Variants in PIGS observed in about 807,000 individuals in gnomAD.
The protein encoded by PIGS is GPI-anchor transamidase component PIGS.
PIGS carries 37 observed loss-of-function variants against 58.2 expected under a neutral mutation model. The observed-to-expected ratio is 0.64, with a 90% CI of 0.49 to 0.84. PIGS has a LOEUF of 0.84. Among genes scored for constraint, PIGS ranks in the 40% least tolerant of loss-of-function variants. The pLI is 0.00. For synonymous variants in PIGS, 269 were observed against 289.2 expected (o/e 0.93, Z 0.71); for missense variants, 629 against 710.8 (o/e 0.88, Z 1.31).
At chr17:28,562,902 T>C (rs1480369642) in intron 5 of PIGS, among the ~76,000 whole-genome samples, 1 of 152,100 alleles carries the variant, frequency 6.6e-6, no homozygotes, top group African/African-American at 2.4e-5. Flanking sequence ...GGTTTTGCCA[T>C]GTTGCCCAGG....
At chr17:28,567,664 CA>C (rs2070401866) in intron 3 of PIGS, among the ~76,000 whole-genome samples, 1 of 152,104 alleles carries the variant, frequency 6.6e-6, no homozygotes, top group Non-Finnish European at 1.5e-5. Context: ...AAAAAAGAAA[CA>C]AAAAACCTTC....
chr17:28,561,483 A>G lies in PIGS; in HGVS notation c.615T>C (p.Ala205=), dbSNP rs766958492. The G allele has an allele frequency of 1.9e-6, 3 of 1,613,996 alleles. No individual in the cohort carries two copies. In the African/African-American group the frequency reaches 4.0e-5, roughly 22 times the overall value. Residue 205 remains alanine (A), a synonymous_variant, in exon 6 of 12, where the codon GCT becomes GCC. Transcript: ENST00000308360. ...LTEDVLAAAL[A]DHLPEDKWSA... is the part of the protein sequence containing the mutation. ...TCCACTTGTCCTCTGGAAGGTGGTCAGCCAGAGCAGCAGCAAGCACATCCT... is the reference window on the plus strand; with the variant it reads ...TCCACTTGTCCTCTGGAAGGTGGTCGGCCAGAGCAGCAGCAAGCACATCCT...
Position 28,563,906 on chromosome 17 carries a change from G to C in PIGS, c.288C>G (p.Tyr96Ter). 1.2e-6 allele frequency: 2 copies of C among 1,613,014 alleles called. No individual in the cohort carries two copies. The highest frequency in any genetic ancestry group is 1.7e-6 in the Non-Finnish European group (2 of 1,179,042). ...GGAAACGGCATTTGATTTTCATTTT[G>C]TCTGGGAGGGATAAGAAGTAGCACA... ...VVHEREIPLKYKMKIKCRFQK... is the reference protein window; with the variant it reads ...VVHEREIPLK Residue 96 changes from tyrosine to a stop codon, truncating the protein, a stop_gained and splice_region_variant, in exon 4 of 12, where the codon TAC becomes TAG. Transcript: ENST00000308360. LOFTEE classifies it high-confidence loss of function.
In PIGS at chr17:28,554,408, C is replaced by T; in HGVS notation, c.1480G>A (p.Ala494Thr). Reference protein sequence around the residue: ...LASAFVASQEAVTSSELAFFD... With the variant: ...LASAFVASQETVTSSELAFFD... ...AAGGCAAGCTCAGAGGATGTCACAG[C>T]TTCCTGGCTGGCGACAAAGGCAGAT... The change falls in exon 12 of 12, where the codon GCT (alanine) becomes ACT (threonine). Residue 494 changes from alanine to threonine, a missense_variant. Physicochemically the swap from Ala to Thr is moderately conservative, Grantham distance 58. Coordinates refer to ENST00000308360, the MANE Select transcript of PIGS (RefSeq NM_033198.4). The T allele has an allele frequency of 2.5e-6, 4 of 1,614,202 alleles. No individual in the cohort carries two copies. The highest frequency in any genetic ancestry group is 3.4e-6 in the Non-Finnish European group (4 of 1,180,036).
chr17:28,564,360 G>C (rs960862384), intron 3 of PIGS, among the ~76,000 whole-genome samples: 15 of 152,154 alleles, frequency 9.9e-5, no homozygotes, highest in Admixed American at 8.5e-4. Context: ...TTGATCTCAT[G>C]AGTTGGAGAT....
chr17:28,556,067 A>G (rs1027192191), intron 10 of PIGS, 99 bp downstream of exon 10: 1 of 1,157,684 alleles, frequency 8.6e-7, no homozygotes, highest in Non-Finnish European at 1.3e-6. Context: ...CTCTAGGCAC[A>G]GCCAAGATAT....
In PIGS at chr17:28,554,202, A is replaced by G. The variant is rs1173839767; in HGVS notation, c.*18T>C. ...CCTTGGCCAGAAAGGAAGGCTTCCT[A>G]TGGAGGTGCTGCCCTGCTCAGTCTG... On this transcript the variant is annotated 3_prime_UTR_variant, in exon 12 of 12. Transcript: ENST00000308360. The G allele has an allele frequency of 3.1e-6, 5 of 1,611,646 alleles. No individual in the cohort carries two copies. Among genetic ancestry groups the G allele is most frequent in the East Asian group, 2.2e-5 (1 of 44,846 alleles).
chr17:28,555,257 A>G, intron 10 of PIGS, 196 bp from the exon 11 acceptor site: 1 of 547,200 alleles, frequency 1.8e-6, no homozygotes, highest in South Asian at 2.4e-5. Flanking sequence ...CGCTGCTTCA[A>G]CAGGTGTTTC....
intron 7 of PIGS, 33 bp from the exon 8 acceptor site, chr17:28,558,623 T>TAGATTTATATTCTACTTTCTCC: frequency 2.0e-6 from 3 of 1,480,322 alleles, no homozygotes; most frequent in Non-Finnish European, 2.8e-6. Context: ...TTACTTTGTT[T>TAGATTTATATTCTACTTTCTCC]AGATTTATAT....
intron 5 of PIGS, 162 bp from the exon 6 acceptor site, chr17:28,561,791 G>C: frequency 1.5e-6 from 1 of 656,724 alleles, no homozygotes; most frequent in Non-Finnish European, 2.6e-6. Flanking sequence ...TGAGCTATGA[G>C]TATATATTGA....
chr17:28,563,622 GAC>G, intron 4 of PIGS, 100 bp from the exon 5 acceptor site: 2 of 1,279,712 alleles, frequency 1.6e-6, no homozygotes. Flanking sequence ...ACATTCAGCT[GAC>G]ACAGTGGTCA....
At chr17:28,563,700 T>C in intron 4 of PIGS, 118 bp downstream of exon 4, 1 of 1,275,378 alleles carries the variant, frequency 7.8e-7, no homozygotes, top group South Asian at 1.3e-5. Context: ...CAGTTCCTCA[T>C]TCCCAGCATT....
At chr17:28,571,212 A>C (rs1156693683) in intron 1 of PIGS, 24 bp from the exon 2 acceptor site, 1 of 1,607,516 alleles carries the variant, frequency 6.2e-7, no homozygotes, top group Admixed American at 1.7e-5. Context: ...GAACCGACTG[A>C]GGCGCTGGAA....
At chr17:28,559,981 G>A in intron 7 of PIGS, 68 bp downstream of exon 7, 1 of 1,514,938 alleles carries the variant, frequency 6.6e-7, no homozygotes, top group South Asian at 1.3e-5. Flanking sequence ...AAGAGATGGA[G>A]GAACAGACTG....
At chr17:28,566,260 C>A (rs1190565754) in intron 3 of PIGS, among the ~76,000 whole-genome samples, 3 of 131,792 alleles carry the variant, frequency 2.3e-5, no homozygotes, top group African/African-American at 2.8e-5. Context: ...CCCTTGTCTA[C>A]TTTTTCTTTT....
intron 5 of PIGS, among the ~76,000 whole-genome samples, chr17:28,562,267 G>T (rs901560656): frequency 2.6e-5 from 4 of 152,312 alleles, no homozygotes; most frequent in African/African-American, 9.6e-5. Context: ...CTAAGGAAAA[G>T]CAAGAAAATT....
chr17:28,565,201 C>T (rs914774450), intron 3 of PIGS, among the ~76,000 whole-genome samples: 2 of 152,076 alleles, frequency 1.3e-5, no homozygotes, highest in African/African-American at 2.4e-5. Flanking sequence ...AATCAATACC[C>T]GCATAAATAC....
In PIGS at chr17:28,570,895, C is replaced by T; in HGVS notation, c.243G>A (p.Lys81=). The stretch of plus-strand genomic sequence containing the variant: ...TTTCATGCACAACGGTGAAGGGCAG[C>T]TTCTCCTGGTCGTCCAGGGGCACTG... ...RESVPLDDQE[K]LPFTVVHERE... Residue 81 remains lysine (K), a synonymous_variant, in exon 3 of 12, where the codon AAG becomes AAA. Transcript: ENST00000308360. 6.2e-7 allele frequency: 1 copy of T among 1,614,236 alleles called. No individual in the cohort carries two copies. The highest frequency in any genetic ancestry group is 8.5e-7 in the Non-Finnish European group (1 of 1,180,038).
At chr17:28,566,902 T>C (rs1323556266) in intron 3 of PIGS, among the ~76,000 whole-genome samples, 1 of 152,152 alleles carries the variant, frequency 6.6e-6, no homozygotes, top group African/African-American at 2.4e-5. Flanking sequence ...CACACACCAG[T>C]AGTCCTACCT....
Sources: gnomAD v4.1 joint callset for allele counts (sites outside exome capture counted in the v4.1 genomes callset) on GRCh38, gnomAD v4.1.1 for gene constraint, MANE v1.5 for transcripts, NCBI Gene and HGNC (gene_info 2026-07-23, HGNC 2026-07-21) for gene names.